Variants in ANKRD12 observed in about 807,000 individuals in gnomAD.
ANKRD12 encodes ankyrin repeat domain-containing protein 12.
In ANKRD12, 85 loss-of-function variants were observed where a neutral mutation model predicts 183.4. The observed-to-expected ratio is 0.46, with a 90% CI of 0.39 to 0.56. ANKRD12 has a LOEUF of 0.56. ANKRD12 is among the 20% of genes least tolerant of loss of function. The pLI is 0.00. For missense variants in ANKRD12, 2,405 were observed against 2,357.1 expected, an observed-to-expected ratio of 1.02 and a Z score of -0.42; for synonymous variants, 914 against 800.2, an observed-to-expected ratio of 1.14 and a Z score of -2.40.
chr18:9,277,700 G>A (rs2039919492), intron 11 of ANKRD12, among the ~76,000 whole-genome samples: 1 of 151,784 alleles, frequency 6.6e-6, no homozygotes, highest in African/African-American at 2.4e-5. Flanking sequence ...AGCAGAGCTG[G>A]AAATTGAGGT....
At position 9,257,311 on chromosome 18, in the gene ANKRD12, T is replaced by G. The variant is rs377649492; in HGVS notation, c.4044T>G (p.Pro1348=). 5.0e-6 allele frequency: 8 copies of G among 1,614,014 alleles called. No homozygotes were observed. In the African/African-American group the frequency reaches 9.3e-5, roughly 19 times the overall value. ...VPGDTSPSPK[P]EVFSNVPERD... is the part of the protein sequence containing the mutation. The stretch of plus-strand genomic sequence containing the variant: ...GAGATACTAGTCCTTCTCCCAAACC[T>G]GAGGTATTCTCAAATGTGCCTGAAA... Residue 1348 remains proline, a synonymous_variant, in exon 9 of 13, where the codon CCT becomes CCG. Coordinates refer to ENST00000262126, the MANE Select transcript of ANKRD12 (RefSeq NM_015208.5).
intron 1 of ANKRD12, among the ~76,000 whole-genome samples, chr18:9,171,098 G>A (rs533706195): frequency 6.6e-6 from 1 of 152,270 alleles, no homozygotes; most frequent in African/African-American, 2.4e-5. Context: ...GGCCGTGTGA[G>A]GTGTCAGTCC....
intron 6 of ANKRD12, among the ~76,000 whole-genome samples, chr18:9,213,927 A>G (rs570844616): frequency 6.6e-5 from 10 of 152,102 alleles, no homozygotes; most frequent in South Asian, 2.1e-4. Flanking sequence ...ATTCTTTTTC[A>G]TAGTTTAAAT....
chr18:9,239,704 A>AT, intron 8 of ANKRD12: 1 of 281,992 alleles, frequency 3.5e-6, no homozygotes, highest in Non-Finnish European at 7.2e-6. Context: ...ATATATAATC[A>AT]TGTAACTGCC....
At chr18:9,227,883 T>G (rs1212472574) in intron 8 of ANKRD12, among the ~76,000 whole-genome samples, 2 of 152,196 alleles carry the variant, frequency 1.3e-5, no homozygotes, top group Admixed American at 1.3e-4. Context: ...CTTAATCTGC[T>G]ATCAAACATT....
At chr18:9,203,668 G>T (rs1479290826) in intron 3 of ANKRD12, among the ~76,000 whole-genome samples, 5 of 152,198 alleles carry the variant, frequency 3.3e-5, no homozygotes, top group South Asian at 2.1e-4. Flanking sequence ...ACAATGGCAT[G>T]ATCTCAGCTT....
At chr18:9,160,837 G>T (rs2031308722) in intron 1 of ANKRD12, among the ~76,000 whole-genome samples, 1 of 152,146 alleles carries the variant, frequency 6.6e-6, no homozygotes, top group South Asian at 2.1e-4. Flanking sequence ...AACACAATTT[G>T]ATCGTCTTTA....
intron 10 of ANKRD12, 118 bp from the exon 11 acceptor site, chr18:9,275,406 A>C: frequency 2.5e-6 from 2 of 787,794 alleles, no homozygotes; most frequent in Non-Finnish European, 3.8e-6. Context: ...CCAGGAGGTC[A>C]AGGCTGCAGT....
At chr18:9,267,036 G>A (rs575391493) in intron 10 of ANKRD12, among the ~76,000 whole-genome samples, 94 of 152,206 alleles carry the variant, frequency 6.2e-4, no homozygotes, top group African/African-American at 2.2e-3. Context: ...TTACATAATG[G>A]TAAAGGGATC....
chr18:9,137,083 C>T (rs1017494888), intron 1 of ANKRD12, 118 bp downstream of exon 1: 1 of 152,122 alleles, frequency 6.6e-6, no homozygotes, highest in South Asian at 2.1e-4. Context: ...CCCGTTCCCC[C>T]TCCCCAGAGC....
chr18:9,227,357 T>C (rs2036779393), intron 8 of ANKRD12, among the ~76,000 whole-genome samples: 1 of 152,160 alleles, frequency 6.6e-6, no homozygotes, highest in Non-Finnish European at 1.5e-5. Context: ...ATGACTAAAA[T>C]AGCAGTTATC....
intron 1 of ANKRD12, among the ~76,000 whole-genome samples, chr18:9,159,596 TA>T (rs977548407): frequency 6.9e-5 from 4 of 58,184 alleles, no homozygotes; most frequent in Non-Finnish European, 1.7e-4. Flanking sequence ...CACGCCTGGC[TA>T]AATTTTTTTT....
chr18:9,194,414 C>T (rs932269072), intron 2 of ANKRD12, among the ~76,000 whole-genome samples: 12 of 151,786 alleles, frequency 7.9e-5, no homozygotes, highest in Admixed American at 5.2e-4. Flanking sequence ...TGGAGTGCAA[C>T]GGTATGATCT....
chr18:9,267,837 G>A (rs1404925512), intron 10 of ANKRD12, among the ~76,000 whole-genome samples: 3 of 152,078 alleles, frequency 2.0e-5, no homozygotes, highest in African/African-American at 7.2e-5. Context: ...CCAGGAGCTG[G>A]TTTTTTGAAA....
chr18:9,201,107 G>A lies in ANKRD12; in HGVS notation c.236-3369G>A, dbSNP rs148780034. 3.7e-3 allele frequency among the ~76,000 whole-genome samples: 570 copies of A among 152,204 alleles called. 3 individuals carry two copies. The highest frequency in any genetic ancestry group is 0.013 in the African/African-American group (550 of 41,534). The stretch of plus-strand genomic sequence containing the variant: ...AGTCTGAAAAATCATACTTTTAGCC[G>A]GGCATATTGTTTCCCTGATCAAAAC... On this transcript the variant is annotated intron_variant, in intron 3 of 12. Transcript: ENST00000262126.
chr18:9,168,527 C>T (rs980235590), intron 1 of ANKRD12, among the ~76,000 whole-genome samples: 11 of 152,150 alleles, frequency 7.2e-5, no homozygotes, highest in African/African-American at 9.7e-5. Flanking sequence ...ATAGTATTCT[C>T]TGATAGTAGT....
intron 2 of ANKRD12, among the ~76,000 whole-genome samples, chr18:9,186,355 T>C (rs2034062397): frequency 6.6e-6 from 1 of 152,202 alleles, no homozygotes; most frequent in Non-Finnish European, 1.5e-5. Context: ...ATACAAACTA[T>C]TACATTCCTC....
intron 6 of ANKRD12, 140 bp downstream of exon 6, chr18:9,211,924 G>A: frequency 2.9e-6 from 2 of 699,042 alleles, no homozygotes; most frequent in South Asian, 4.3e-5. Context: ...AACTTTTGGA[G>A]TTCGTACATA....
At chr18:9,210,484 G>A (rs900261055) in intron 5 of ANKRD12, among the ~76,000 whole-genome samples, 2 of 151,832 alleles carry the variant, frequency 1.3e-5, no homozygotes, top group African/African-American at 2.4e-5. Context: ...ACTTTGGGAG[G>A]CTGAGGCAGG....
Sources: allele counts gnomAD v4.1 joint callset (sites outside exome capture counted in the v4.1 genomes callset), GRCh38; gene constraint gnomAD v4.1.1; transcripts MANE v1.5; gene names NCBI Gene and HGNC (gene_info 2026-07-23, HGNC 2026-07-21).